ABI1: variants seen among roughly 807,000 people sequenced by gnomAD.
The protein encoded by ABI1 is Abelson interactor 1.
A neutral mutation model predicts 54.6 loss-of-function variants in ABI1; 14 were observed. That is an observed-to-expected ratio of 0.26 (90% CI 0.17 to 0.40). ABI1 has a LOEUF of 0.40. Among genes scored for constraint, ABI1 ranks in the 10% least tolerant of loss-of-function variants. ABI1 has a pLI of 1.00. For missense variants in ABI1, 443 were observed against 598.3 expected (o/e 0.74, Z 2.71); for synonymous variants, 194 against 209.3 (o/e 0.93, Z 0.63).
At chr10:26,846,232 C>T (rs2049966700) in intron 1 of ABI1, among the ~76,000 whole-genome samples, 1 of 152,120 alleles carries the variant, frequency 6.6e-6, no homozygotes, top group East Asian at 1.9e-4. Context: ...GAACTCCTTC[C>T]AATCTGTAGT....
chr10:26,814,471 A>C (rs1382610698), intron 2 of ABI1, among the ~76,000 whole-genome samples: 1 of 152,248 alleles, frequency 6.6e-6, no homozygotes, highest in Non-Finnish European at 1.5e-5. Context: ...AGCACTCTAC[A>C]AAGCAAATAC....
Position 26,765,229 on chromosome 10 carries a change from G to A in ABI1, c.809C>T (p.Thr270Ile). ...AATAAATAACACACCTGGTCCAATA[G>A]TGGGTGGCGAAGGTGTAGGCACAGC... ...PIAVPTPSPPTIGPAAPGSAP... is the reference protein window; with the variant it reads ...PIAVPTPSPPIIGPAAPGSAP... The change falls in exon 7 of 11, where the codon ACT (threonine) becomes ATT (isoleucine). Residue 270 changes from threonine to isoleucine, a missense_variant. Physicochemically the swap from Thr to Ile is moderately conservative, Grantham distance 89 (BLOSUM62 -1). Coordinates refer to ENST00000376140, the MANE Select transcript of ABI1 (RefSeq NM_001012750.3). 1 of 1,602,916 alleles carries A rather than the reference G, an allele frequency of 6.2e-7. No individual in the cohort carries two copies. The highest frequency in any genetic ancestry group is 8.5e-7 in the Non-Finnish European group (1 of 1,175,496).
At chr10:26,781,462 C>T (rs897897285) in intron 2 of ABI1, among the ~76,000 whole-genome samples, 4 of 152,222 alleles carry the variant, frequency 2.6e-5, no homozygotes, top group South Asian at 4.1e-4. Flanking sequence ...TCCCTAAATG[C>T]CTGGGCCTGT....
intron 1 of ABI1, among the ~76,000 whole-genome samples, chr10:26,852,346 G>A (rs1351155645): frequency 1.3e-5 from 2 of 152,096 alleles, no homozygotes; most frequent in Non-Finnish European, 2.9e-5. Context: ...AGGCGTGGTG[G>A]CGCATCCCTG....
chr10:26,845,520 G>A lies in ABI1; in HGVS notation c.117+15227C>T, dbSNP rs574191004. 1.2e-4 allele frequency among the ~76,000 whole-genome samples: 19 copies of A among 152,262 alleles called. No individual in the cohort carries two copies. The East Asian group carries it at 3.3e-3, about 26-fold the overall frequency. ...TAGCTGGGTATGGTGGCATGTGCCT[G>A]TAATCCCAGCTACTTGGGAGGCTGA... On this transcript the variant is annotated intron_variant, in intron 1 of 10. Transcript: ENST00000376140.
intron 1 of ABI1, among the ~76,000 whole-genome samples, chr10:26,856,139 A>T (rs545957443): frequency 6.6e-6 from 1 of 151,608 alleles, no homozygotes; most frequent in Admixed American, 6.6e-5. Flanking sequence ...TGCAAAAATT[A>T]GCTGGGTGCA....
At chr10:26,842,275 A>G (rs868085110) in intron 1 of ABI1, among the ~76,000 whole-genome samples, 12 of 152,294 alleles carry the variant, frequency 7.9e-5, no homozygotes, top group Middle Eastern at 6.8e-3. Context: ...TTCTAATCAG[A>G]TTATTTTTCT....
intron 2 of ABI1, among the ~76,000 whole-genome samples, chr10:26,778,976 C>G (rs1160582362): frequency 6.6e-6 from 1 of 152,188 alleles, no homozygotes; most frequent in Non-Finnish European, 1.5e-5. Flanking sequence ...CAAATGCCGA[C>G]ACTCTGGCTA....
Position 26,813,141 on chromosome 10 carries a change from T to C in ABI1, c.285+9997A>G, listed in dbSNP as rs1033346422. On this transcript the variant is annotated intron_variant, in intron 2 of 10. Transcript: ENST00000376140. ...GTGCACACCTGTAATCCTAGCTACT[T>C]GGGAGGCTGAGGCAGGAGAATCACT... 1.6e-4 allele frequency among the ~76,000 whole-genome samples: 24 copies of C among 151,406 alleles called. No individual in the cohort carries two copies. In the East Asian group the frequency reaches 4.5e-3, roughly 28 times the overall value.
At position 26,785,254 on chromosome 10, in the gene ABI1, T is replaced by C. The variant is rs148767300; in HGVS notation, c.286-8013A>G. Among the ~76,000 whole-genome samples the C allele has an allele frequency of 3.8e-3, 572 of 152,362 alleles. 11 individuals are homozygous for C. The highest frequency in any genetic ancestry group is 0.035 in the Admixed American group (532 of 15,304). ...GGTGAATACTGTTGGAAGGCAATTATACTTGAGTCTTTCATGTTTCTGTAC... is the reference window on the plus strand; with the variant it reads ...GGTGAATACTGTTGGAAGGCAATTACACTTGAGTCTTTCATGTTTCTGTAC... On this transcript the variant is annotated intron_variant, in intron 2 of 10. Transcript: ENST00000376140.
At chr10:26,820,973 T>A (rs2047937205) in intron 2 of ABI1, among the ~76,000 whole-genome samples, 1 of 147,970 alleles carries the variant, frequency 6.8e-6, no homozygotes, top group Non-Finnish European at 1.5e-5. Context: ...CTGGGTGTGG[T>A]GGCTCACACC....
chr10:26,770,133 G>C (rs1300468441), intron 5 of ABI1, 112 bp downstream of exon 5: 1 of 762,288 alleles, frequency 1.3e-6, no homozygotes, highest in African/African-American at 1.7e-5. Flanking sequence ...GTAAAAGGTA[G>C]CGTCACATAG....
At chr10:26,800,240 C>G (rs2046457986) in intron 2 of ABI1, among the ~76,000 whole-genome samples, 1 of 151,884 alleles carries the variant, frequency 6.6e-6, no homozygotes, top group African/African-American at 2.4e-5. Flanking sequence ...AAAAAATTAG[C>G]CGGGCATGGT....
chr10:26,860,707 T>C lies in ABI1; in HGVS notation c.117+40A>G. On this transcript the variant is annotated intron_variant, in intron 1 of 10. Transcript: ENST00000376140. The surrounding 1 kb of genome is among the most constrained non-coding windows in gnomAD (Gnocchi z 4.1). Reference sequence around the variant, plus strand: ...GTGGGCTGGTCACTCCGGCGGGTCCTCGACCCGGCCAGCGCCCGCCGGCCG... The same window carrying C: ...GTGGGCTGGTCACTCCGGCGGGTCCCCGACCCGGCCAGCGCCCGCCGGCCG... 1 of 1,564,286 alleles carries C rather than the reference T, an allele frequency of 6.4e-7. No homozygotes were observed. The highest frequency in any genetic ancestry group is 8.8e-7 in the Non-Finnish European group (1 of 1,136,552).
intron 1 of ABI1, among the ~76,000 whole-genome samples, chr10:26,854,638 C>T (rs2050672314): frequency 6.6e-6 from 1 of 152,184 alleles, no homozygotes; most frequent in Non-Finnish European, 1.5e-5. Context: ...AATACATTTA[C>T]ATTTCCAACC....
At chr10:26,822,840 T>C (rs2048070207) in intron 2 of ABI1, among the ~76,000 whole-genome samples, 1 of 152,134 alleles carries the variant, frequency 6.6e-6, no homozygotes, top group African/African-American at 2.4e-5. Context: ...ACAAATAACT[T>C]TACGTCAGAA....
At chr10:26,762,488 C>T (rs747755627) in intron 7 of ABI1, among the ~76,000 whole-genome samples, 13 of 152,146 alleles carry the variant, frequency 8.5e-5, no homozygotes, top group Non-Finnish European at 1.8e-4. Context: ...GCAGTTTTCA[C>T]ACTTTTTGGT....
chr10:26,818,172 A>C (rs1487847982), intron 2 of ABI1, among the ~76,000 whole-genome samples: 1 of 85,880 alleles, frequency 1.2e-5, no homozygotes, highest in African/African-American at 6.0e-5. Flanking sequence ...AAAAAAAAAA[A>C]AAAAAAAAAA....
chr10:26,747,882 T>C lies in ABI1; in HGVS notation c.*688A>G. 5.2e-6 allele frequency: 1 copy of C among 193,644 alleles called. No homozygotes were observed. The highest frequency in any genetic ancestry group is 6.1e-5 in the Admixed American group (1 of 16,406). The allele number at this position is 193,644 out of a possible 1,614,324, so 12.0% of individuals were successfully genotyped here. A position where few individuals can be genotyped will look rare whatever the true frequency, so the allele number is the denominator to read the frequency against. On this transcript the variant is annotated 3_prime_UTR_variant, in exon 11 of 11. Coordinates refer to ENST00000376140, the MANE Select transcript of ABI1 (RefSeq NM_001012750.3). ...GAAGGAAAGGACAAAAACCTTTGGT[T>C]CACTTATGTATTTATGAATGGAAAA...
Sources: allele counts gnomAD v4.1 joint callset (sites outside exome capture counted in the v4.1 genomes callset), GRCh38; gene constraint gnomAD v4.1.1; non-coding constraint Gnocchi (gnomAD v3.1); transcripts MANE v1.5; gene names NCBI Gene and HGNC (gene_info 2026-07-23, HGNC 2026-07-21).